CLEC19A: variants seen among roughly 807,000 people sequenced by gnomAD.
CLEC19A encodes the protein C-type lectin domain containing 19A.
A neutral mutation model predicts 26.1 loss-of-function variants in CLEC19A; 21 were observed. That is an observed-to-expected ratio of 0.80 (90% CI 0.57 to 1.16). The LOEUF is 1.16. Ranked by LOEUF, CLEC19A falls within the 50% of genes most tolerant of loss-of-function variation. CLEC19A has a pLI of 0.00. For missense variants in CLEC19A, 224 were observed against 227.6 expected, an observed-to-expected ratio of 0.98 and a Z score of 0.10; for synonymous variants, 89 against 88.6, an observed-to-expected ratio of 1.00 and a Z score of -0.03.
chr16:19,306,690 C>T (rs1897962986), intron 3 of CLEC19A, among the ~76,000 whole-genome samples: 1 of 152,088 alleles, frequency 6.6e-6, no homozygotes, highest in African/African-American at 2.4e-5. Context: ...CCTTCACATG[C>T]TTTAATTTTT....
At chr16:19,289,192 C>T (rs1373155194) in intron 1 of CLEC19A, among the ~76,000 whole-genome samples, 1 of 152,126 alleles carries the variant, frequency 6.6e-6, no homozygotes, top group Non-Finnish European at 1.5e-5. Flanking sequence ...CAGCCCGGAT[C>T]CTAAAGTGTC....
Position 19,309,117 on chromosome 16 carries a change from T to A in CLEC19A, c.*34T>A. On this transcript the variant is annotated 3_prime_UTR_variant, in exon 5 of 5. Coordinates refer to ENST00000636231, the MANE Select transcript of CLEC19A (RefSeq NM_001256720.2). ...TGTCCTACTGGTGTGAGCTCAACTC[T>A]AGTATCATCTTGTAGCTGTAACCAG... 6.9e-7 allele frequency: 1 copy of A among 1,443,604 alleles called. No individual in the cohort carries two copies. Among genetic ancestry groups the A allele is most frequent in the Non-Finnish European group, 9.5e-7 (1 of 1,051,044 alleles). The allele number at this position is 1,443,604 out of a possible 1,614,324, so 89.4% of individuals were successfully genotyped here.
At chr16:19,307,786 TG>T in intron 4 of CLEC19A, 109 bp downstream of exon 4, 1 of 1,425,540 alleles carries the variant, frequency 7.0e-7, no homozygotes, top group Admixed American at 2.1e-5. Context: ...GGCCTGAGAC[TG>T]GCAAATTGTT....
At position 19,307,566 on chromosome 16, in the gene CLEC19A, G is replaced by C; in HGVS notation, c.370G>C (p.Asp124His). 2 of 1,548,252 alleles carry C rather than the reference G, an allele frequency of 1.3e-6. No individual in the cohort carries two copies. Among genetic ancestry groups the C allele is most frequent in the South Asian group, 2.4e-5 (2 of 83,962 alleles). ...HRQEGQFEWT[D>H]GSSYDYSYWD... ...CCAGGAAGGGCAGTTTGAATGGACT[G>C]ATGGCTCATCCTATGACTACAGCTA... The change falls in exon 4 of 5, where the codon GAT becomes CAT. Residue 124 changes from aspartate (D) to histidine (H), a missense_variant. Transcript: ENST00000636231.
intron 2 of CLEC19A, among the ~76,000 whole-genome samples, chr16:19,300,187 A>G (rs938243184): frequency 7.2e-5 from 11 of 151,788 alleles, no homozygotes; most frequent in African/African-American, 1.9e-4. Flanking sequence ...TCATGCCACT[A>G]TACTCCAGCC....
In CLEC19A at chr16:19,309,123, C is replaced by A. The variant is rs1046089656; in HGVS notation, c.*40C>A. The A allele has an allele frequency of 3.6e-6, 5 of 1,405,706 alleles. No individual in the cohort carries two copies. The African/African-American group carries it at 7.1e-5, about 20-fold the overall frequency. 87.1% of individuals were successfully genotyped at this position (1,405,706 alleles called of 1,614,324 possible). On this transcript the variant is annotated 3_prime_UTR_variant, in exon 5 of 5. Transcript: ENST00000636231. ...ACTGGTGTGAGCTCAACTCTAGTATCATCTTGTAGCTGTAACCAGTGTAGA... is the reference window on the plus strand; with the variant it reads ...ACTGGTGTGAGCTCAACTCTAGTATAATCTTGTAGCTGTAACCAGTGTAGA...
At chr16:19,295,337 G>A (rs1028402622) in intron 1 of CLEC19A, among the ~76,000 whole-genome samples, 1 of 152,026 alleles carries the variant, frequency 6.6e-6, no homozygotes, top group Admixed American at 6.6e-5. Context: ...AGAGTAGCTA[G>A]GACTACAGGC....
intron 1 of CLEC19A, among the ~76,000 whole-genome samples, chr16:19,293,141 T>C (rs979406719): frequency 2.6e-5 from 4 of 152,220 alleles, no homozygotes; most frequent in African/African-American, 9.6e-5. Context: ...AAAGAGATTA[T>C]TTTTGGCAAA....
At chr16:19,295,476 T>C (rs1897687922) in intron 1 of CLEC19A, among the ~76,000 whole-genome samples, 1 of 152,192 alleles carries the variant, frequency 6.6e-6, no homozygotes, top group South Asian at 2.1e-4. Flanking sequence ...GTGTTGGTAT[T>C]ACAGGCGTGA....
chr16:19,294,239 A>G (rs1897654408), intron 1 of CLEC19A, among the ~76,000 whole-genome samples: 2 of 152,146 alleles, frequency 1.3e-5, no homozygotes, highest in South Asian at 2.1e-4. Context: ...AGCTCTTCCC[A>G]CTACCGCCGT....
At chr16:19,306,806 C>T (rs1309084310) in intron 3 of CLEC19A, among the ~76,000 whole-genome samples, 3 of 152,134 alleles carry the variant, frequency 2.0e-5, no homozygotes, top group Non-Finnish European at 2.9e-5. Flanking sequence ...CAGAGCTAGG[C>T]AGTGGGTGAA....
intron 1 of CLEC19A, among the ~76,000 whole-genome samples, chr16:19,291,492 T>C (rs1366028351): frequency 6.6e-6 from 1 of 152,192 alleles, no homozygotes; most frequent in Non-Finnish European, 1.5e-5. Flanking sequence ...GGCACCTACC[T>C]GGTAGGATGT....
intron 1 of CLEC19A, among the ~76,000 whole-genome samples, chr16:19,296,391 C>A (rs1897705502): frequency 1.1e-5 from 1 of 93,018 alleles, no homozygotes; most frequent in African/African-American, 5.9e-5. Context: ...CACTGGATCC[C>A]TGCAGCCCAT....
intron 2 of CLEC19A, chr16:19,303,846 C>G (rs1897887213): frequency 4.0e-6 from 2 of 501,928 alleles, no homozygotes; most frequent in Non-Finnish European, 7.2e-6. Flanking sequence ...AGTAGCAGTA[C>G]TGAGTCCTTC....
At chr16:19,291,192 G>T (rs1228546730) in intron 1 of CLEC19A, among the ~76,000 whole-genome samples, 1 of 152,178 alleles carries the variant, frequency 6.6e-6, no homozygotes. Flanking sequence ...GGCTCATGAG[G>T]TCAGAAGGCG....
At chr16:19,306,196 A>C (rs1897950278) in intron 3 of CLEC19A, among the ~76,000 whole-genome samples, 1 of 147,092 alleles carries the variant, frequency 6.8e-6, no homozygotes, top group Admixed American at 6.9e-5. Flanking sequence ...CTCAGGCTGG[A>C]GAGCAGTGGT....
At chr16:19,288,520 A>C (rs1897518551) in intron 1 of CLEC19A, among the ~76,000 whole-genome samples, 1 of 152,140 alleles carries the variant, frequency 6.6e-6, no homozygotes, top group Non-Finnish European at 1.5e-5. Context: ...TGCATATGCA[A>C]ATATACGCAA....
chr16:19,297,872 G>A (rs179213), intron 1 of CLEC19A, among the ~76,000 whole-genome samples: 10,521 of 152,082 alleles, frequency 0.069, 503 homozygotes, highest in East Asian at 0.28. Flanking sequence ...TTAGTAAAAC[G>A]TAGGTATGTA....
In CLEC19A at chr16:19,301,735, G is replaced by GTTTTTTTTTTTTTTTTTTT. The variant is rs750529291; in HGVS notation, c.255-2327_255-2326insTTTTTTTTTTTTTTTTTTT. ...CATGACACCATGCCCAGGTTTTTTT[G>GTTTTTTTTTTTTTTTTTTT]GTTTTTTTTTTTTTTTTTTTTTTTT... On this transcript the variant is annotated intron_variant, in intron 2 of 4. Transcript: ENST00000636231. Among the ~76,000 whole-genome samples the GTTTTTTTTTTTTTTTTTTT allele has an allele frequency of 2.3e-4, 8 of 35,138 alleles. 1 individual carries two copies. The highest frequency in any genetic ancestry group is 6.5e-4 in the Admixed American group (2 of 3,076). The allele number at this position is 35,138 out of a possible 152,430, so 23.1% of individuals were successfully genotyped here.
Sources: allele counts gnomAD v4.1 joint callset (sites outside exome capture counted in the v4.1 genomes callset), GRCh38; gene constraint gnomAD v4.1.1; transcripts MANE v1.5; gene names NCBI Gene and HGNC (gene_info 2026-07-23, HGNC 2026-07-21).